Variants in SLC4A4 observed in about 807,000 individuals in gnomAD.
SLC4A4 encodes solute carrier family 4 member 4.
A neutral mutation model predicts 111.5 loss-of-function variants in SLC4A4; 27 were observed. The observed-to-expected ratio is 0.24, with a 90% CI of 0.18 to 0.33. The LOEUF is 0.33. Among genes scored for constraint, SLC4A4 ranks in the 10% least tolerant of loss-of-function variants. SLC4A4 has a pLI of 1.00. For synonymous variants in SLC4A4, 443 were observed against 463.4 expected (o/e 0.96, Z 0.57); for missense variants, 909 against 1,315.5 (o/e 0.69, Z 4.78).
intron 14 of SLC4A4, among the ~76,000 whole-genome samples, chr4:71,484,529 G>A (rs540083699): frequency 1.1e-4 from 16 of 151,722 alleles, no homozygotes; most frequent in Non-Finnish European, 2.1e-4. Context: ...AGGTCTATGT[G>A]TCAGTTTTTG....
At chr4:71,388,068 C>A (rs1718922173) in intron 6 of SLC4A4, among the ~76,000 whole-genome samples, 1 of 152,174 alleles carries the variant, frequency 6.6e-6, no homozygotes, top group African/African-American at 2.4e-5. Context: ...TCATTTACTT[C>A]TGTTATGTTA....
At chr4:71,112,104 T>C (rs1284777245) in intron 2 of SLC4A4, among the ~76,000 whole-genome samples, 1 of 152,206 alleles carries the variant, frequency 6.6e-6, no homozygotes, top group African/African-American at 2.4e-5. Context: ...AAATTTCAAT[T>C]GCATAGGCAA....
intron 3 of SLC4A4, among the ~76,000 whole-genome samples, chr4:71,334,061 C>G (rs992676851): frequency 6.6e-6 from 1 of 152,044 alleles, no homozygotes; most frequent in Non-Finnish European, 1.5e-5. Context: ...TCATTCTTCC[C>G]TCTCCTTTCA....
chr4:71,195,604 CTGAG>C (rs1307841438), intron 1 of SLC4A4, among the ~76,000 whole-genome samples: 1 of 152,174 alleles, frequency 6.6e-6, no homozygotes, highest in Non-Finnish European at 1.5e-5. Flanking sequence ...CTCATCTGTT[CTGAG>C]TGATTTCATT....
chr4:71,198,353 T>A (rs1373523677), intron 1 of SLC4A4, among the ~76,000 whole-genome samples: 1 of 152,212 alleles, frequency 6.6e-6, no homozygotes, highest in Admixed American at 6.5e-5. Flanking sequence ...AGTTCAATTA[T>A]CTCTTAATAG....
chr4:71,532,293 C>A, intron 17 of SLC4A4, 118 bp downstream of exon 17: 1 of 730,862 alleles, frequency 1.4e-6, no homozygotes, highest in Non-Finnish European at 2.5e-6. Flanking sequence ...ATTTTTTTTC[C>A]AAAATCAGTC....
At chr4:71,391,737 T>A (rs1013452090) in intron 6 of SLC4A4, among the ~76,000 whole-genome samples, 19 of 152,014 alleles carry the variant, frequency 1.2e-4, no homozygotes, top group Admixed American at 3.3e-4. Context: ...TCTTTTTTTT[T>A]AAATGAATCT....
At position 71,570,795 on chromosome 4, in the gene SLC4A4, C is replaced by G. The variant is rs1425414695; in HGVS notation, c.*3044C>G. ...TTGGGAGAAAAGTATCTTGGACGCA[C>G]TGTTTTCCTTGATAAAAGTCATCTT... is the stretch of plus-strand genomic sequence containing the variant. On this transcript the variant is annotated 3_prime_UTR_variant, in exon 26 of 26. Coordinates refer to ENST00000264485, the MANE Select transcript of SLC4A4 (RefSeq NM_001098484.3). 1 of 151,826 alleles carries G rather than the reference C, an allele frequency of 6.6e-6. No individual in the cohort carries two copies. Among genetic ancestry groups the G allele is most frequent in the Non-Finnish European group, 1.5e-5 (1 of 67,846 alleles). 9.4% of individuals were successfully genotyped at this position (151,826 alleles called of 1,614,324 possible).
At chr4:71,430,036 G>T (rs1440065010) in intron 7 of SLC4A4, among the ~76,000 whole-genome samples, 1 of 151,908 alleles carries the variant, frequency 6.6e-6, no homozygotes, top group Non-Finnish European at 1.5e-5. Context: ...AGATGTTATT[G>T]TACTTGGAAA....
intron 3 of SLC4A4, among the ~76,000 whole-genome samples, chr4:71,314,658 A>C (rs911913572): frequency 6.6e-6 from 1 of 152,172 alleles, no homozygotes; most frequent in African/African-American, 2.4e-5. Context: ...TCAGCAAACT[A>C]ACAGGGGAAC....
chr4:71,398,119 T>C (rs1719997663), intron 7 of SLC4A4, among the ~76,000 whole-genome samples: 1 of 151,936 alleles, frequency 6.6e-6, no homozygotes, highest in African/African-American at 2.4e-5. Context: ...AACCCGTCTC[T>C]ACTAAAACCA....
chr4:71,161,250 G>A lies in SLC4A4; in HGVS notation c.-2+68458G>A, dbSNP rs188897776. On this transcript the variant is annotated intron_variant, in intron 2 of 26. Coordinates refer to the SLC4A4 transcript ENST00000649996. ...AATAATTTGTGCTATTTCCCTAAAG[G>A]GAAGTACAGTGTTATGGAGTCAGAA... Among the ~76,000 whole-genome samples, 2 of 152,280 alleles carry A rather than the reference G, an allele frequency of 1.3e-5. 1 individual carries two copies. The highest frequency in any genetic ancestry group is 4.8e-5 in the African/African-American group (2 of 41,564).
chr4:71,559,594 A>G (rs1054987629), intron 22 of SLC4A4, among the ~76,000 whole-genome samples: 1 of 151,880 alleles, frequency 6.6e-6, no homozygotes, highest in Non-Finnish European at 1.5e-5. Context: ...GAAGTAGCCC[A>G]GTGAATGAAA....
chr4:71,369,120 C>G (rs1731611813), intron 6 of SLC4A4, among the ~76,000 whole-genome samples: 1 of 151,998 alleles, frequency 6.6e-6, no homozygotes. Flanking sequence ...GCGGCGCACT[C>G]CCAGCGTGGG....
chr4:71,207,078 G>A (rs1387905651), intron 1 of SLC4A4, among the ~76,000 whole-genome samples: 1 of 152,118 alleles, frequency 6.6e-6, no homozygotes, highest in Non-Finnish European at 1.5e-5. Context: ...AAATACTGTA[G>A]TGTATATTGA....
chr4:71,498,669 T>C (rs1438750354), intron 16 of SLC4A4, among the ~76,000 whole-genome samples: 1 of 152,082 alleles, frequency 6.6e-6, no homozygotes. Context: ...AACAGAAGGG[T>C]TGATAATGAA....
At chr4:71,520,077 T>G (rs1380200133) in intron 16 of SLC4A4, among the ~76,000 whole-genome samples, 1 of 152,198 alleles carries the variant, frequency 6.6e-6, no homozygotes, top group Admixed American at 6.5e-5. Context: ...AAATAGTGTT[T>G]TATAATTAAA....
intron 12 of SLC4A4, among the ~76,000 whole-genome samples, chr4:71,454,871 C>A (rs1303783634): frequency 6.6e-6 from 1 of 152,124 alleles, no homozygotes; most frequent in Non-Finnish European, 1.5e-5. Context: ...TTTGGTCCCT[C>A]ATTCACTTGC....
chr4:71,140,124 AC>A (rs1743954709), intron 2 of SLC4A4, among the ~76,000 whole-genome samples: 1 of 152,188 alleles, frequency 6.6e-6, no homozygotes, highest in Non-Finnish European at 1.5e-5. Flanking sequence ...ATGGGAATAA[AC>A]AAAATCTCTG....
Sources: gnomAD v4.1 joint callset for allele counts (sites outside exome capture counted in the v4.1 genomes callset) on GRCh38, gnomAD v4.1.1 for gene constraint, MANE v1.5 for transcripts, NCBI Gene and HGNC (gene_info 2026-07-23, HGNC 2026-07-21) for gene names.